The following IGF1R variants were observed in gnomAD, a reference collection of about 807,000 sequenced individuals.
The protein encoded by IGF1R is insulin-like growth factor 1 receptor.
In IGF1R, 44 loss-of-function variants were observed where a neutral mutation model predicts 144.6. The observed-to-expected ratio is 0.30, with a 90% CI of 0.24 to 0.39. The LOEUF (loss-of-function observed/expected upper bound fraction) is 0.39. Among genes scored for constraint, IGF1R ranks in the 10% least tolerant of loss-of-function variants. The pLI is 1.00. For synonymous variants in IGF1R, 795 were observed against 722.8 expected, an observed-to-expected ratio of 1.10 and a Z score of -1.60; for missense variants, 1,355 against 1,833.7, an observed-to-expected ratio of 0.74 and a Z score of 4.77.
intron 20 of IGF1R, among the ~76,000 whole-genome samples, chr15:98,954,864 A>C (rs1205677599): frequency 6.6e-6 from 1 of 152,182 alleles, no homozygotes; most frequent in Non-Finnish European, 1.5e-5. Context: ...AGCTTTTATC[A>C]ATGCAAACCA....
At chr15:98,738,115 G>A (rs1010780925) in intron 2 of IGF1R, among the ~76,000 whole-genome samples, 3 of 152,192 alleles carry the variant, frequency 2.0e-5, no homozygotes, top group Non-Finnish European at 4.4e-5. Context: ...AGATGGGCCT[G>A]CTTATATCTA....
chr15:98,951,472 ACTAC>A (rs1237805476), intron 20 of IGF1R, among the ~76,000 whole-genome samples: 5 of 152,344 alleles, frequency 3.3e-5, no homozygotes, highest in Middle Eastern at 3.4e-3. Flanking sequence ...AGTATAACAA[ACTAC>A]CCAAAACCTA....
intron 1 of IGF1R, among the ~76,000 whole-genome samples, chr15:98,680,027 G>A (rs1193788228): frequency 6.6e-6 from 1 of 151,900 alleles, no homozygotes; most frequent in Admixed American, 6.6e-5. Flanking sequence ...CAAAATTTAA[G>A]AAAAATAAAG....
In IGF1R at chr15:98,929,601, C is replaced by T. The variant is rs750677501; in HGVS notation, c.2826C>T (p.Val942=). The stretch of plus-strand genomic sequence containing the variant: ...TCCATCTGATCATCGCTCTGCCCGT[C>T]GCTGTCCTGTTGATCGTGGGAGGGT... ...NFIHLIIALP[V]AVLLIVGGLV... is the part of the protein sequence containing the mutation. Residue 942 remains valine, a synonymous_variant, in exon 14 of 21, where the codon GTC becomes GTT. Coordinates refer to ENST00000650285, the MANE Select transcript of IGF1R (RefSeq NM_000875.5). 24 of 1,614,118 alleles carry T rather than the reference C, an allele frequency of 1.5e-5. No homozygotes were observed. Among genetic ancestry groups the T allele is most frequent in the Middle Eastern group, 1.6e-4 (1 of 6,062 alleles).
At chr15:98,789,118 T>C (rs1446418583) in intron 2 of IGF1R, among the ~76,000 whole-genome samples, 2 of 152,224 alleles carry the variant, frequency 1.3e-5, no homozygotes, top group Non-Finnish European at 2.9e-5. Flanking sequence ...TCTTGTAAAA[T>C]GGAAAGACAA....
intron 13 of IGF1R, 95 bp downstream of exon 13, chr15:98,924,779 T>C: frequency 8.5e-7 from 1 of 1,175,724 alleles, no homozygotes; most frequent in Non-Finnish European, 1.3e-6. Flanking sequence ...TCTTATTTTC[T>C]GTTAAAATGG....
chr15:98,907,822 T>C (rs2014805834), intron 5 of IGF1R, among the ~76,000 whole-genome samples: 1 of 152,244 alleles, frequency 6.6e-6, no homozygotes, highest in African/African-American at 2.4e-5. Context: ...TCTGGTTTGG[T>C]GGGCTTTGGT....
chr15:98,797,028 G>A (rs1008548319), intron 2 of IGF1R, among the ~76,000 whole-genome samples: 3 of 152,206 alleles, frequency 2.0e-5, no homozygotes, highest in Admixed American at 6.5e-5. Context: ...TGGCGTTTGG[G>A]TCCATGCCCC....
chr15:98,806,099 A>T (rs188138618), intron 2 of IGF1R, among the ~76,000 whole-genome samples: 1 of 152,312 alleles, frequency 6.6e-6, no homozygotes, highest in East Asian at 1.9e-4. Context: ...CTGAAACTTG[A>T]TAACTTCTGT....
At chr15:98,676,530 T>C (rs1269797026) in intron 1 of IGF1R, among the ~76,000 whole-genome samples, 21 of 152,158 alleles carry the variant, frequency 1.4e-4, no homozygotes, top group East Asian at 1.9e-4. Context: ...ATTATACATG[T>C]TAACATCTGC....
At chr15:98,690,981 T>C (rs528339902) in intron 1 of IGF1R, among the ~76,000 whole-genome samples, 3 of 152,334 alleles carry the variant, frequency 2.0e-5, no homozygotes, top group East Asian at 1.9e-4. Flanking sequence ...TCTTTTAGAA[T>C]AGTTTTAGAT....
chr15:98,855,928 T>G (rs2011787355), intron 2 of IGF1R, among the ~76,000 whole-genome samples: 2 of 152,222 alleles, frequency 1.3e-5, no homozygotes, highest in South Asian at 4.1e-4. Flanking sequence ...CTGGTCAGTT[T>G]GCAGAAGGAG....
chr15:98,867,237 T>G (rs545943600), intron 2 of IGF1R, among the ~76,000 whole-genome samples: 1 of 152,254 alleles, frequency 6.6e-6, no homozygotes, highest in South Asian at 2.1e-4. Context: ...GCATCAACTT[T>G]GCGCAGCAAC....
intron 1 of IGF1R, among the ~76,000 whole-genome samples, chr15:98,665,468 C>G (rs2052713686): frequency 6.6e-6 from 1 of 152,082 alleles, no homozygotes; most frequent in Non-Finnish European, 1.5e-5. Flanking sequence ...GTGGATGTCC[C>G]TTCGCCCTTC....
chr15:98,861,501 G>A (rs1567166096), intron 2 of IGF1R, among the ~76,000 whole-genome samples: 1 of 152,134 alleles, frequency 6.6e-6, no homozygotes, highest in African/African-American at 2.4e-5. Context: ...TGCTTCTAGG[G>A]GACATTAGCT....
In IGF1R at chr15:98,891,491, C is replaced by T. The variant is rs761290563; in HGVS notation, c.807C>T (p.Tyr269=). The T allele has an allele frequency of 8.1e-6, 13 of 1,614,078 alleles. No homozygotes were observed. The East Asian group carries it at 1.6e-4, about 19-fold the overall frequency. ...VCVPACPPNT[Y]RFEGWRCVDR... ...TGCCTGCCTGCCCGCCCAACACCTA[C>T]AGGTTTGAGGGCTGGCGCTGTGTGG... The change falls in exon 3 of 21, where the codon TAC becomes TAT. Residue 269 remains tyrosine, a synonymous_variant. Coordinates refer to ENST00000650285, the MANE Select transcript of IGF1R (RefSeq NM_000875.5). The surrounding 1 kb of genome is among the most constrained non-coding windows in gnomAD (Gnocchi z 4.7).
chr15:98,743,601 G>C (rs1046511701), intron 2 of IGF1R, among the ~76,000 whole-genome samples: 1 of 152,206 alleles, frequency 6.6e-6, no homozygotes, highest in Admixed American at 6.5e-5. Flanking sequence ...GGAAAGGTGG[G>C]GAACCTGGAG....
intron 9 of IGF1R, 91 bp from the exon 10 acceptor site, chr15:98,916,581 A>AT: frequency 8.8e-7 from 1 of 1,142,458 alleles, no homozygotes; most frequent in Non-Finnish European, 1.3e-6. Context: ...TATCTTCTTG[A>AT]TTAAAGGTAC....
chr15:98,885,470 TC>T (rs1259962939), intron 2 of IGF1R, among the ~76,000 whole-genome samples: 1 of 152,084 alleles, frequency 6.6e-6, no homozygotes, highest in Non-Finnish European at 1.5e-5. Context: ...AATCATAAAA[TC>T]TCTTTGGACC....
Sources: allele counts gnomAD v4.1 joint callset (sites outside exome capture counted in the v4.1 genomes callset), GRCh38; gene constraint gnomAD v4.1.1; non-coding constraint Gnocchi (gnomAD v3.1); transcripts MANE v1.5; gene names NCBI Gene and HGNC (gene_info 2026-07-23, HGNC 2026-07-21).